Variants in RYR2 observed in about 807,000 individuals in gnomAD.
RYR2 encodes the protein cardiac muscle ryanodine receptor-calcium release channel.
A neutral mutation model predicts 601.1 loss-of-function variants in RYR2; 227 were observed. That is an observed-to-expected ratio of 0.38 (90% confidence interval 0.34 to 0.42). The LOEUF (loss-of-function observed/expected upper bound fraction) is 0.42. Among genes scored for constraint, RYR2 ranks in the 10% least tolerant of loss-of-function variants. RYR2 has a pLI of 1.00. For missense variants in RYR2, 4,646 were observed against 6,156.5 expected (o/e 0.75, Z 8.21); for synonymous variants, 2,223 against 2,175.1 (o/e 1.02, Z -0.61).
chr1:237,064,664 C>A (rs187260576), intron 1 of RYR2, among the ~76,000 whole-genome samples: 81 of 151,460 alleles, frequency 5.3e-4, no homozygotes, highest in Non-Finnish European at 9.1e-4. Flanking sequence ...CTCCATATTG[C>A]CCTTCCTAGT....
intron 42 of RYR2, among the ~76,000 whole-genome samples, chr1:237,632,499 A>T (rs948532855): frequency 6.7e-6 from 1 of 150,000 alleles, no homozygotes; most frequent in Non-Finnish European, 1.5e-5. Flanking sequence ...GGTTCACTAC[A>T]TTCTCCTTCC....
At chr1:237,073,866 T>TAAAAAAA (rs71178385) in intron 1 of RYR2, among the ~76,000 whole-genome samples, 3 of 123,286 alleles carry the variant, frequency 2.4e-5, no homozygotes, top group Non-Finnish European at 1.6e-5. Flanking sequence ...GACTCCATCT[T>TAAAAAAA]AAAAAAAAAA....
intron 2 of RYR2, among the ~76,000 whole-genome samples, chr1:237,271,022 T>G (rs1242190033): frequency 6.6e-6 from 1 of 152,204 alleles, no homozygotes; most frequent in African/African-American, 2.4e-5. Flanking sequence ...GTCAAAACTC[T>G]AAATCCCAGT....
chr1:237,207,047 G>A (rs76722871), intron 1 of RYR2, among the ~76,000 whole-genome samples: 1 of 152,060 alleles, frequency 6.6e-6, no homozygotes, highest in Admixed American at 6.6e-5. Context: ...GCTGGGTGCA[G>A]TGTTTCATGC....
rs569510011 is a variant in RYR2 at position 237,610,545 on chromosome 1, C to T, written c.4684-217C>T. Among the ~76,000 whole-genome samples, 3 of 152,228 alleles carry T rather than the reference C, an allele frequency of 2.0e-5. No individual in the cohort carries two copies. The South Asian group carries it at 6.2e-4, about 32-fold the overall frequency. On this transcript the variant is annotated intron_variant, in intron 35 of 104. Coordinates refer to ENST00000366574, the MANE Select transcript of RYR2 (RefSeq NM_001035.3). The surrounding 1 kb of genome is among the most constrained non-coding windows in gnomAD (Gnocchi z 4.9). Reference sequence around the variant, plus strand: ...CACATCCCGAAACCTGTTTGACTGCCCGGAAGGTGTAGGTATTCTCTCTCA... The same window carrying T: ...CACATCCCGAAACCTGTTTGACTGCTCGGAAGGTGTAGGTATTCTCTCTCA...
At position 237,141,228 on chromosome 1, in the gene RYR2, C is replaced by T. The variant is rs866029398; in HGVS notation, c.48+98659C>T. Among the ~76,000 whole-genome samples the T allele has an allele frequency of 5.9e-5, 9 of 152,244 alleles. No individual in the cohort carries two copies. In the South Asian group the frequency reaches 1.9e-3, roughly 32 times the overall value. ...ACAATGTTGGTAGGTGTCCATGTCT[C>T]CTTCCTGACTTCAAGAGGGATTTCT... is the stretch of plus-strand genomic sequence containing the variant. On this transcript the variant is annotated intron_variant, in intron 1 of 104. Transcript: ENST00000366574.
intron 1 of RYR2, among the ~76,000 whole-genome samples, chr1:237,058,165 T>C (rs1662402754): frequency 6.6e-6 from 1 of 152,208 alleles, no homozygotes; most frequent in African/African-American, 2.4e-5. Flanking sequence ...GGTAATTATG[T>C]ATACTATTAA....
At chr1:237,151,183 A>T (rs1674672321) in intron 1 of RYR2, among the ~76,000 whole-genome samples, 1 of 152,180 alleles carries the variant, frequency 6.6e-6, no homozygotes, top group African/African-American at 2.4e-5. Context: ...TAAGCTTGAT[A>T]TTAAGAAATT....
chr1:237,723,364 T>C (rs980919655), intron 74 of RYR2, 102 bp downstream of exon 74: 9 of 817,918 alleles, frequency 1.1e-5, no homozygotes, highest in Admixed American at 7.2e-5. Context: ...AAGAAACATA[T>C]ATGTTCAGCA....
intron 10 of RYR2, among the ~76,000 whole-genome samples, chr1:237,402,563 G>T (rs1572160721): frequency 6.6e-6 from 1 of 152,272 alleles, no homozygotes; most frequent in Non-Finnish European, 1.5e-5. Context: ...CTTAGAACTA[G>T]CTGAAAAGAG....
At chr1:237,328,004 G>A (rs1474889045) in intron 2 of RYR2, among the ~76,000 whole-genome samples, 3 of 152,278 alleles carry the variant, frequency 2.0e-5, no homozygotes, top group Admixed American at 6.5e-5. Context: ...CTAATGGCAC[G>A]CTGGAAACAG....
chr1:237,084,392 G>A (rs1459187344), intron 1 of RYR2, among the ~76,000 whole-genome samples: 1 of 152,134 alleles, frequency 6.6e-6, no homozygotes, highest in Non-Finnish European at 1.5e-5. Flanking sequence ...TAAGACCCGC[G>A]AGCTGAGGGT....
chr1:237,557,155 A>G (rs771147769), intron 27 of RYR2, among the ~76,000 whole-genome samples: 34 of 152,196 alleles, frequency 2.2e-4, no homozygotes, highest in Non-Finnish European at 2.2e-4. Flanking sequence ...CCAGATGGGT[A>G]CAGCCTTGCC....
chr1:237,771,466 G>A (rs1472649427), intron 85 of RYR2, among the ~76,000 whole-genome samples: 3 of 151,680 alleles, frequency 2.0e-5, no homozygotes, highest in Non-Finnish European at 4.4e-5. Context: ...TAGTTATAGA[G>A]TAATATAGAG....
intron 88 of RYR2, among the ~76,000 whole-genome samples, chr1:237,780,779 A>G (rs1695038564): frequency 6.6e-6 from 1 of 152,230 alleles, no homozygotes; most frequent in Admixed American, 6.5e-5. Flanking sequence ...ATACCTGTGT[A>G]GGTTTTTGGT....
chr1:237,047,369 T>C lies in RYR2; in HGVS notation c.48+4800T>C, dbSNP rs1023281922. On this transcript the variant is annotated intron_variant, in intron 1 of 104. Coordinates refer to ENST00000366574, the MANE Select transcript of RYR2 (RefSeq NM_001035.3). ...GAATCTTGGTCCTGGAAGCCAAGAT[T>C]GGAATCCATCCTTTCTAGCCTTTTT... 2.0e-5 allele frequency among the ~76,000 whole-genome samples: 3 copies of C among 149,060 alleles called. No homozygotes were observed. The East Asian group carries it at 5.9e-4, about 29-fold the overall frequency.
Position 237,677,412 on chromosome 1 carries a change from A to G in RYR2, c.8831-636A>G, listed in dbSNP as rs1159225675. ...GTTAATCAATTCTTGACCTTGGTAA[A>G]CCATGGGGAAAACTTGGGTGTTTTT... On this transcript the variant is annotated intron_variant, in intron 60 of 104. Coordinates refer to ENST00000366574, the MANE Select transcript of RYR2 (RefSeq NM_001035.3). Among the ~76,000 whole-genome samples the G allele has an allele frequency of 1.3e-5, 2 of 152,184 alleles. 1 individual carries two copies. Among genetic ancestry groups the G allele is most frequent in the Non-Finnish European group, 2.9e-5 (2 of 68,018 alleles).
chr1:237,358,316 G>T (rs1438642147), intron 4 of RYR2, among the ~76,000 whole-genome samples: 2 of 152,086 alleles, frequency 1.3e-5, no homozygotes, highest in East Asian at 3.9e-4. Flanking sequence ...TGGAGGGACG[G>T]ATATCTGGGA....
chr1:237,639,226 C>A, intron 46 of RYR2, 25 bp downstream of exon 46: 2 of 1,580,008 alleles, frequency 1.3e-6, no homozygotes, highest in African/African-American at 2.7e-5. Context: ...CACACCCTCA[C>A]GAGTGATCCA....
Sources: allele counts gnomAD v4.1 joint callset (sites outside exome capture counted in the v4.1 genomes callset), GRCh38; gene constraint gnomAD v4.1.1; non-coding constraint Gnocchi (gnomAD v3.1); transcripts MANE v1.5; gene names NCBI Gene and HGNC (gene_info 2026-07-23, HGNC 2026-07-21).